Variants in CATSPERB observed in about 807,000 individuals in gnomAD.
The protein encoded by CATSPERB is cation channel sperm-associated auxiliary subunit beta.
A neutral mutation model predicts 128.3 loss-of-function variants in CATSPERB; 93 were observed. That is an observed-to-expected ratio of 0.72 (90% CI 0.61 to 0.86). The LOEUF is 0.86. Ranked by LOEUF, CATSPERB falls within the 40% of genes least tolerant of loss-of-function variation. The pLI is 0.00. For missense variants in CATSPERB, 1,153 were observed against 1,329.5 expected, an observed-to-expected ratio of 0.87 and a Z score of 2.06; for synonymous variants, 381 against 448.8, an observed-to-expected ratio of 0.85 and a Z score of 1.91.
chr14:91,685,230 A>T (rs553082427), intron 10 of CATSPERB, among the ~76,000 whole-genome samples: 7 of 152,310 alleles, frequency 4.6e-5, no homozygotes, highest in African/African-American at 1.7e-4. Flanking sequence ...ACTGGCCGCC[A>T]ACGAATTTTT....
intron 5 of CATSPERB, among the ~76,000 whole-genome samples, chr14:91,714,230 T>G (rs1895892481): frequency 6.7e-6 from 1 of 149,200 alleles, no homozygotes; most frequent in Non-Finnish European, 1.5e-5. Flanking sequence ...CTCTTACTAT[T>G]CCTTTCATAC....
At chr14:91,682,048 A>G (rs1895289895) in intron 11 of CATSPERB, among the ~76,000 whole-genome samples, 1 of 152,222 alleles carries the variant, frequency 6.6e-6, no homozygotes, top group South Asian at 2.1e-4. Context: ...ATGGGCACAA[A>G]TGGTGGCTTC....
chr14:91,647,210 C>T (rs562454513), intron 15 of CATSPERB, among the ~76,000 whole-genome samples: 8 of 152,258 alleles, frequency 5.3e-5, no homozygotes, highest in Admixed American at 2.0e-4. Context: ...CTTAACAAGA[C>T]GACTTTGTTG....
intron 7 of CATSPERB, among the ~76,000 whole-genome samples, chr14:91,694,881 G>T (rs1449171285): frequency 1.3e-5 from 2 of 152,116 alleles, no homozygotes; most frequent in South Asian, 4.1e-4. Context: ...CATAACTACT[G>T]GGCTGGGGAG....
chr14:91,645,864 C>T (rs1321021152), intron 15 of CATSPERB, among the ~76,000 whole-genome samples: 3 of 150,080 alleles, frequency 2.0e-5, no homozygotes, highest in African/African-American at 7.4e-5. Context: ...AGCGAGATTC[C>T]GTGGGCGTAG....
In CATSPERB at chr14:91,660,761, C is replaced by T. The variant is rs546040643; in HGVS notation, c.1288-780G>A. On this transcript the variant is annotated intron_variant, in intron 14 of 26. Transcript: ENST00000256343. ...GAAGAATCTGAGACCACCATCCAAA[C>T]AATTCTCCTTTTATGCCTCATCTAA... 2.0e-5 allele frequency among the ~76,000 whole-genome samples: 3 copies of T among 152,344 alleles called. No individual in the cohort carries two copies. In the South Asian group the frequency reaches 6.2e-4, roughly 32 times the overall value.
At chr14:91,697,667 T>C (rs986715474) in intron 7 of CATSPERB, among the ~76,000 whole-genome samples, 6 of 152,176 alleles carry the variant, frequency 3.9e-5, no homozygotes, top group Non-Finnish European at 5.9e-5. Flanking sequence ...TTTGTTAACT[T>C]TGTTGAAGAT....
intron 17 of CATSPERB, among the ~76,000 whole-genome samples, chr14:91,626,359 CT>C (rs71120179): frequency 2.0e-3 from 156 of 76,846 alleles, no homozygotes; most frequent in African/African-American, 6.6e-3. Flanking sequence ...AGAGGTGGGA[CT>C]TTTTTTTTTT....
intron 22 of CATSPERB, among the ~76,000 whole-genome samples, chr14:91,597,990 G>C (rs201321502): frequency 1.4e-5 from 2 of 144,136 alleles, no homozygotes; most frequent in Non-Finnish European, 3.1e-5. Flanking sequence ...AAAAGTTTTT[G>C]TTTTTTTTTT....
At chr14:91,625,059 G>A (rs769353009) in intron 17 of CATSPERB, 52 bp from the exon 18 acceptor site, 5 of 1,089,590 alleles carry the variant, frequency 4.6e-6, no homozygotes, top group Non-Finnish European at 5.1e-6. Context: ...TGGATTAAAT[G>A]AACCAATTTA....
chr14:91,701,191 G>A (rs1360927669), intron 7 of CATSPERB, among the ~76,000 whole-genome samples: 1 of 152,054 alleles, frequency 6.6e-6, no homozygotes, highest in African/African-American at 2.4e-5. Context: ...CGGTGAGGAG[G>A]TCACCAAATG....
At chr14:91,610,370 G>C in intron 21 of CATSPERB, 110 bp downstream of exon 21, 1 of 743,118 alleles carries the variant, frequency 1.3e-6, no homozygotes, top group South Asian at 1.8e-5. Context: ...TAACTGTGAA[G>C]TGTTTTGAGC....
At chr14:91,588,754 A>G (rs917961630) in intron 24 of CATSPERB, among the ~76,000 whole-genome samples, 5 of 152,212 alleles carry the variant, frequency 3.3e-5, no homozygotes, top group African/African-American at 9.6e-5. Context: ...TAAATGTTTA[A>G]TGATCAGGAC....
intron 17 of CATSPERB, among the ~76,000 whole-genome samples, chr14:91,630,041 C>A (rs988164355): frequency 3.9e-5 from 6 of 152,216 alleles, no homozygotes; most frequent in Non-Finnish European, 7.3e-5. Context: ...CCCTTCCACT[C>A]CATGCCAATG....
chr14:91,719,493 A>G lies in CATSPERB; in HGVS notation c.310-15T>C. On this transcript the variant is annotated splice_polypyrimidine_tract_variant and intron_variant, in intron 4 of 26. Coordinates refer to ENST00000256343, the MANE Select transcript of CATSPERB (RefSeq NM_024764.4). ...CGATCACTGAACTTGAATAAAGAAG[A>G]CATCAGAAAACAATGTTTTACAACA... The G allele has an allele frequency of 1.3e-6, 2 of 1,595,636 alleles. No individual in the cohort carries two copies. The highest frequency in any genetic ancestry group is 1.1e-5 in the South Asian group (1 of 89,326).
chr14:91,699,318 C>G (rs1394196798), intron 7 of CATSPERB, among the ~76,000 whole-genome samples: 1 of 152,098 alleles, frequency 6.6e-6, no homozygotes, highest in Non-Finnish European at 1.5e-5. Flanking sequence ...TACATTCCAA[C>G]CAGCAGTGTA....
At chr14:91,582,451 T>C (rs1427562640) in intron 26 of CATSPERB, among the ~76,000 whole-genome samples, 1 of 152,206 alleles carries the variant, frequency 6.6e-6, no homozygotes, top group Non-Finnish European at 1.5e-5. Context: ...CCTAGGCAGA[T>C]AGGGGTGGGT....
At chr14:91,607,843 T>C (rs1269700919) in intron 22 of CATSPERB, among the ~76,000 whole-genome samples, 2 of 152,236 alleles carry the variant, frequency 1.3e-5, no homozygotes, top group South Asian at 2.1e-4. Flanking sequence ...GCTCCTCCCT[T>C]GTCTCCCTCC....
chr14:91,703,203 A>G (rs574120501), intron 7 of CATSPERB, among the ~76,000 whole-genome samples: 1 of 152,290 alleles, frequency 6.6e-6, no homozygotes, highest in African/African-American at 2.4e-5. Flanking sequence ...TCAATTAGCT[A>G]GGAACAATAA....
Sources: gnomAD v4.1 joint callset for allele counts (sites outside exome capture counted in the v4.1 genomes callset) on GRCh38, gnomAD v4.1.1 for gene constraint, MANE v1.5 for transcripts, NCBI Gene and HGNC (gene_info 2026-07-23, HGNC 2026-07-21) for gene names.